The following NUP214 variants were observed in gnomAD, a reference collection of about 807,000 sequenced individuals.
The protein encoded by NUP214 is nucleoporin 214.
A neutral mutation model predicts 196.2 loss-of-function variants in NUP214; 79 were observed. That is an observed-to-expected ratio of 0.40 (90% CI 0.34 to 0.49). NUP214 has a LOEUF of 0.49. Ranked by LOEUF, NUP214 falls within the 20% of genes least tolerant of loss-of-function variation. The pLI, the probability that NUP214 is intolerant of heterozygous loss-of-function variation, is 0.58. For synonymous variants in NUP214, 1,020 were observed against 990.5 expected (o/e 1.03, Z -0.56); for missense variants, 2,468 against 2,539.0 (o/e 0.97, Z 0.60).
Position 131,198,755 on chromosome 9 carries a change from C to T in NUP214, c.5261C>T (p.Pro1754Leu). ...SFSQPGFSSV[P>L]AFGQPASSTP... ...AGTCAGCCTGGGTTCAGTTCCGTGC[C>T]TGCCTTCGGTCAGCCTGCTTCCTCC... The change falls in exon 29 of 36, where the codon CCT (proline) becomes CTT (leucine). Residue 1754 changes from proline (P) to leucine (L), a missense_variant. Around this residue, in one of 5 missense-constraint regions of NUP214, gnomAD observed 1,801 missense variants for 1,779.4 expected, o/e 1.01. Transcript: ENST00000359428. 1 of 1,614,238 alleles carries T rather than the reference C, an allele frequency of 6.2e-7. No individual in the cohort carries two copies. The highest frequency in any genetic ancestry group is 1.1e-5 in the South Asian group (1 of 91,086).
intron 30 of NUP214, among the ~76,000 whole-genome samples, chr9:131,210,174 A>T (rs897269567): frequency 6.6e-6 from 1 of 152,242 alleles, no homozygotes; most frequent in African/African-American, 2.4e-5. Context: ...AGAGAGTGAC[A>T]CCCACAATTA....
At chr9:131,173,966 ATTT>A in intron 21 of NUP214, 86 bp from the exon 22 acceptor site, 4 of 1,154,246 alleles carry the variant, frequency 3.5e-6, no homozygotes, top group South Asian at 1.5e-5. Context: ...CAAGTTGAGT[ATTT>A]TTTTTTTTTA....
At chr9:131,150,489 C>T (rs1170243458) in intron 15 of NUP214, 79 bp downstream of exon 15, 1 of 1,566,716 alleles carries the variant, frequency 6.4e-7, no homozygotes, top group East Asian at 2.2e-5. Context: ...CCCTGTATGA[C>T]TAGTTAGTTC....
chr9:131,230,669 C>G lies in NUP214; in HGVS notation c.6114C>G (p.Leu2038=), dbSNP rs753356114. The change falls in exon 34 of 36, where the codon CTC becomes CTG. Residue 2038 remains leucine (L), a synonymous_variant. Coordinates refer to ENST00000359428, the MANE Select transcript of NUP214 (RefSeq NM_005085.4). ...GCAACACCACATCCTTCGGCACGCT[C>G]GCGAGTCAGAATGCCCCCACTTTCG... is the stretch of plus-strand genomic sequence containing the variant. ...SSSNTTSFGT[L]ASQNAPTFGS... 1.2e-6 allele frequency: 2 copies of G among 1,614,088 alleles called. No homozygotes were observed. Among genetic ancestry groups the G allele is most frequent in the South Asian group, 1.1e-5 (1 of 91,076 alleles).
At chr9:131,199,951 A>G (rs1199824013) in intron 29 of NUP214, among the ~76,000 whole-genome samples, 1 of 152,154 alleles carries the variant, frequency 6.6e-6, no homozygotes, top group Non-Finnish European at 1.5e-5. Flanking sequence ...TGGTTTTGAG[A>G]CCTACCCAAT....
rs1261267611 is a variant in NUP214, at chr9:131,233,602, A to T, written c.*115A>T. Reference sequence around the variant, plus strand: ...CGTTGCCATCAAAACACATACACCCAGAAAGAAACAACAGAAACCAAAACT... The same window carrying T: ...CGTTGCCATCAAAACACATACACCCTGAAAGAAACAACAGAAACCAAAACT... On this transcript the variant is annotated 3_prime_UTR_variant, in exon 36 of 36. Coordinates refer to ENST00000359428, the MANE Select transcript of NUP214 (RefSeq NM_005085.4). 8.7e-7 allele frequency: 1 copy of T among 1,145,026 alleles called. No homozygotes were observed. Among genetic ancestry groups the T allele is most frequent in the Admixed American group, 1.9e-5 (1 of 52,662 alleles). The allele number at this position is 1,145,026 out of a possible 1,614,324, so 70.9% of individuals were successfully genotyped here. A position where few individuals can be genotyped will look rare whatever the true frequency, so the allele number is the denominator to read the frequency against.
Position 131,222,836 on chromosome 9 carries a change from G to A in NUP214, c.5808G>A (p.Ser1936=), listed in dbSNP as rs553934312. The A allele has an allele frequency of 1.4e-5, 22 of 1,614,160 alleles. No homozygotes were observed. The highest frequency in any genetic ancestry group is 4.4e-5 in the South Asian group (4 of 91,078). The change falls in exon 32 of 36, where the codon TCG becomes TCA. Residue 1936 remains serine (S), a synonymous_variant. Coordinates refer to ENST00000359428, the MANE Select transcript of NUP214 (RefSeq NM_005085.4). ...AGACATTTGGTGGATTTGCCAGCTCGTCGTTTGGAGAGCAGAAACCCACTG... is the reference window on the plus strand; with the variant it reads ...AGACATTTGGTGGATTTGCCAGCTCATCGTTTGGAGAGCAGAAACCCACTG... The part of the protein sequence containing the change: ...GAKTFGGFAS[S]SFGEQKPTGT...
At position 131,146,281 on chromosome 9, in the gene NUP214, C is replaced by A. The variant is rs1326931145; in HGVS notation, c.1922C>A (p.Ser641Tyr). The change falls in exon 13 of 36, where the codon TCC (serine) becomes TAC (tyrosine). Residue 641 changes from serine to tyrosine, a missense_variant. Transcript: ENST00000359428. This position sits in a 1 kb window ranked among gnomAD's most constrained non-coding sequence, Gnocchi z 4.6. ...SAPPSSVPLKSSVLPSPSGRS... is the reference protein window; with the variant it reads ...SAPPSSVPLKYSVLPSPSGRS... ...CCACCTAGTTCCGTGCCATTGAAGT[C>A]CTCAGTCTTGCCCTCACCATCAGGT... 2 of 1,614,188 alleles carry A rather than the reference C, an allele frequency of 1.2e-6. No individual in the cohort carries two copies. Among genetic ancestry groups the A allele is most frequent in the Non-Finnish European group, 1.7e-6 (2 of 1,180,026 alleles).
intron 26 of NUP214, chr9:131,190,596 AG>A: frequency 3.4e-6 from 2 of 585,410 alleles, no homozygotes; most frequent in East Asian, 5.9e-5. Flanking sequence ...TAAAACCTCT[AG>A]AGAATAGTTC....
chr9:131,163,033 A>T lies in NUP214; in HGVS notation c.2583A>T (p.Leu861=). The change falls in exon 19 of 36, where the codon CTA becomes CTT. Residue 861 remains leucine (L), a synonymous_variant. Coordinates refer to ENST00000359428, the MANE Select transcript of NUP214 (RefSeq NM_005085.4). ...VPERETLFNT[L]ANNREIINQQ... is the part of the protein sequence containing the mutation. ...AGCGAGAGACACTGTTTAACACCCT[A>T]GCCAACAATCGGGAAATCATCAACC... is the stretch of plus-strand genomic sequence containing the variant. 1 of 1,614,176 alleles carries T rather than the reference A, an allele frequency of 6.2e-7. No individual in the cohort carries two copies. Among genetic ancestry groups the T allele is most frequent in the South Asian group, 1.1e-5 (1 of 91,078 alleles).
chr9:131,138,627 AT>A (rs1408306407), intron 9 of NUP214, among the ~76,000 whole-genome samples: 4 of 152,240 alleles, frequency 2.6e-5, no homozygotes, highest in African/African-American at 9.6e-5. Context: ...ACCAAGAGTC[AT>A]TTGTTGGAAG....
Position 131,125,947 on chromosome 9 carries a change from C to A in NUP214, c.45+198C>A. On this transcript the variant is annotated intron_variant, in intron 1 of 35. Coordinates refer to ENST00000359428, the MANE Select transcript of NUP214 (RefSeq NM_005085.4). The surrounding 1 kb of genome is among the most constrained non-coding windows in gnomAD (Gnocchi z 4.1). Reference sequence around the variant, plus strand: ...TGCAGTTTCCCAGTCCCATCCTGGTCTCGTGCACGGCTGTTGAGTTACCCT... The same window carrying A: ...TGCAGTTTCCCAGTCCCATCCTGGTATCGTGCACGGCTGTTGAGTTACCCT... 1.5e-6 allele frequency: 1 copy of A among 648,076 alleles called. No individual in the cohort carries two copies. Among genetic ancestry groups the A allele is most frequent in the Non-Finnish European group, 2.7e-6 (1 of 375,580 alleles). The allele number at this position is 648,076 out of a possible 1,614,324, so 40.1% of individuals were successfully genotyped here.
Position 131,129,739 on chromosome 9 carries a change from G to A in NUP214, c.592+262G>A, listed in dbSNP as rs534253245. Among the ~76,000 whole-genome samples the A allele has an allele frequency of 2.0e-5, 3 of 152,214 alleles. No homozygotes were observed. In the South Asian group the frequency reaches 6.2e-4, roughly 32 times the overall value. On this transcript the variant is annotated intron_variant, in intron 4 of 35. Transcript: ENST00000359428. ...GTGCCTCGGCCACCCAAATAGCTGG[G>A]ATTATAGACATGCGCCACCATGCCC...
intron 33 of NUP214, 121 bp from the exon 34 acceptor site, chr9:131,230,509 C>G (rs916573296): frequency 8.3e-7 from 1 of 1,206,432 alleles, no homozygotes. Flanking sequence ...TTAGGCCCAG[C>G]CTGTCACCCT....
intron 31 of NUP214, among the ~76,000 whole-genome samples, chr9:131,218,175 G>A (rs769450964): frequency 3.9e-5 from 6 of 152,204 alleles, no homozygotes; most frequent in Non-Finnish European, 7.3e-5. Context: ...GATTTTGAAG[G>A]AGTAGAGGAA....
At chr9:131,132,488 A>G in intron 5 of NUP214, 108 bp from the exon 6 acceptor site, 2 of 927,240 alleles carry the variant, frequency 2.2e-6, no homozygotes, top group Non-Finnish European at 3.5e-6. Flanking sequence ...TCTCCCGGCC[A>G]AGGAGATGGA....
intron 22 of NUP214, 27 bp downstream of exon 22, chr9:131,174,345 G>C (rs780605831): frequency 9.5e-6 from 15 of 1,576,816 alleles, no homozygotes; most frequent in Non-Finnish European, 1.3e-5. Flanking sequence ...AAAGGAAACT[G>C]TTTTTCCCTA....
chr9:131,230,222 C>A, intron 33 of NUP214: 1 of 189,646 alleles, frequency 5.3e-6, no homozygotes, highest in South Asian at 9.2e-5. Flanking sequence ...ATCAAGATCC[C>A]AAGAGGAGCT....
At chr9:131,203,146 T>C (rs1401548744) in intron 30 of NUP214, among the ~76,000 whole-genome samples, 7 of 151,516 alleles carry the variant, frequency 4.6e-5, no homozygotes, top group Admixed American at 4.6e-4. Flanking sequence ...GGGGTTTCGC[T>C]GTGTTAGCCA....
Sources: allele counts gnomAD v4.1 joint callset (sites outside exome capture counted in the v4.1 genomes callset), GRCh38; gene constraint gnomAD v4.1.1; regional missense constraint gnomAD v4.1.1; non-coding constraint Gnocchi (gnomAD v3.1); transcripts MANE v1.5; gene names NCBI Gene and HGNC (gene_info 2026-07-23, HGNC 2026-07-21).